NALF1: variants seen among roughly 807,000 people sequenced by gnomAD.
The protein encoded by NALF1 is family with sequence similarity 155 member A.
Under a neutral mutation model 48.4 loss-of-function variants are expected in NALF1, and 3 were observed. The ratio of observed to expected loss-of-function variants is 0.06; its 90% confidence interval spans 0.03 to 0.16. The LOEUF is 0.16. Among genes scored for constraint, NALF1 ranks in the 10% least tolerant of loss-of-function variants. The pLI, the probability that NALF1 is intolerant of heterozygous loss-of-function variation, is 1.00. For synonymous variants in NALF1, 262 were observed against 245.7 expected (o/e 1.07, Z -0.62); for missense variants, 526 against 571.5 (o/e 0.92, Z 0.81).
intron 1 of NALF1, among the ~76,000 whole-genome samples, chr13:107,355,507 A>C (rs1374731384): frequency 6.6e-6 from 1 of 152,156 alleles, no homozygotes; most frequent in Non-Finnish European, 1.5e-5. Context: ...ATCTCATTAC[A>C]ATAGAATTGT....
chr13:107,682,543 G>C (rs1202499072), intron 1 of NALF1, among the ~76,000 whole-genome samples: 2 of 151,982 alleles, frequency 1.3e-5, no homozygotes, highest in African/African-American at 2.4e-5. Context: ...CGAGGCCCCC[G>C]GGACCTCCCA....
At chr13:107,453,208 C>G (rs560313460) in intron 1 of NALF1, among the ~76,000 whole-genome samples, 178 of 152,318 alleles carry the variant, frequency 1.2e-3, no homozygotes, top group African/African-American at 4.1e-3. Flanking sequence ...TAGAGACCCT[C>G]TGTGGGAACT....
At chr13:107,294,724 A>T (rs1490176481) in intron 1 of NALF1, among the ~76,000 whole-genome samples, 1 of 152,190 alleles carries the variant, frequency 6.6e-6, no homozygotes, top group East Asian at 1.9e-4. Flanking sequence ...TGAGAATGCA[A>T]ACCTCAGACT....
chr13:107,818,928 G>A (rs1879271277), intron 1 of NALF1, among the ~76,000 whole-genome samples: 1 of 150,496 alleles, frequency 6.6e-6, no homozygotes, highest in Admixed American at 6.6e-5. Context: ...CTTCCAGTGT[G>A]AGGGTGAAAA....
chr13:107,399,136 A>G (rs183899044), intron 1 of NALF1, among the ~76,000 whole-genome samples: 3,135 of 152,242 alleles, frequency 0.021, 112 homozygotes, highest in African/African-American at 0.07. Context: ...GGGAGATGGC[A>G]GACATGAGAG....
chr13:107,749,536 C>T (rs574976587), intron 1 of NALF1, among the ~76,000 whole-genome samples: 1 of 152,010 alleles, frequency 6.6e-6, no homozygotes, highest in Admixed American at 6.6e-5. Flanking sequence ...ATCATTCTAG[C>T]ATATAACCAA....
chr13:107,866,427 C>G lies in NALF1; in HGVS notation c.170G>C (p.Trp57Ser). The part of the protein sequence containing the change: ...FFTVLLSDHL[W>S]FCAEAKLTRA... ...GGTCAGCTTGGCCTCGGCGCAGAACCACAAGTGATCAGAGAGCAGGACTGT... is the reference window on the plus strand; with the variant it reads ...GGTCAGCTTGGCCTCGGCGCAGAACGACAAGTGATCAGAGAGCAGGACTGT... Residue 57 changes from tryptophan (W) to serine (S), a missense_variant, in exon 1 of 3, where the codon TGG becomes TCG. By Grantham distance (177) the Trp-to-Ser change is radical (BLOSUM62 -3). This residue lies in a region of NALF1 where 373 missense variants were observed against 355.5 expected (regional missense o/e 1.05). Coordinates refer to ENST00000375915, the MANE Select transcript of NALF1 (RefSeq NM_001080396.3). This position sits in a 1 kb window ranked among gnomAD's most constrained non-coding sequence, Gnocchi z 4.4. 1 of 1,614,126 alleles carries G rather than the reference C, an allele frequency of 6.2e-7. No homozygotes were observed. The highest frequency in any genetic ancestry group is 2.2e-5 in the East Asian group (1 of 44,856).
intron 1 of NALF1, among the ~76,000 whole-genome samples, chr13:107,721,530 G>A (rs1012078223): frequency 1.3e-5 from 2 of 152,088 alleles, no homozygotes; most frequent in African/African-American, 4.8e-5. Flanking sequence ...CTCTCTCCAC[G>A]GTGTAGTGCA....
At chr13:107,570,583 T>TTTATTA (rs1490667841) in intron 1 of NALF1, among the ~76,000 whole-genome samples, 1 of 149,910 alleles carries the variant, frequency 6.7e-6, no homozygotes, top group Non-Finnish European at 1.5e-5. Context: ...TTTATTTTAT[T>TTTATTA]TTATTATTAT....
chr13:107,298,145 C>A (rs951158613), intron 1 of NALF1, among the ~76,000 whole-genome samples: 1 of 151,618 alleles, frequency 6.6e-6, no homozygotes, highest in African/African-American at 2.4e-5. Context: ...GTCAGGAGAT[C>A]GAGACCATCC....
At chr13:107,499,896 G>A (rs1433270929) in intron 1 of NALF1, among the ~76,000 whole-genome samples, 1 of 151,942 alleles carries the variant, frequency 6.6e-6, no homozygotes, top group Non-Finnish European at 1.5e-5. Context: ...ATAATATGCT[G>A]ATAGACAACT....
intron 1 of NALF1, among the ~76,000 whole-genome samples, chr13:107,744,189 C>CAGTG (rs1418136953): frequency 4.6e-5 from 7 of 152,128 alleles, no homozygotes; most frequent in Non-Finnish European, 7.4e-5. Context: ...GGGCTTAATC[C>CAGTG]AGTGTGAGAT....
At chr13:107,841,180 C>T (rs1421225265) in intron 1 of NALF1, among the ~76,000 whole-genome samples, 1 of 152,136 alleles carries the variant, frequency 6.6e-6, no homozygotes, top group East Asian at 1.9e-4. Context: ...TGCAATTACA[C>T]TTATGCATAT....
intron 1 of NALF1, among the ~76,000 whole-genome samples, chr13:107,639,375 A>G (rs1427058221): frequency 2.0e-5 from 3 of 152,138 alleles, no homozygotes; most frequent in African/African-American, 7.2e-5. Context: ...CCAGCCAAAA[A>G]AAACACGATA....
At chr13:107,771,113 T>G (rs186193764) in intron 1 of NALF1, among the ~76,000 whole-genome samples, 1 of 152,204 alleles carries the variant, frequency 6.6e-6, no homozygotes, top group Non-Finnish European at 1.5e-5. Flanking sequence ...CAGATTAAAT[T>G]TGCATTATGT....
intron 1 of NALF1, among the ~76,000 whole-genome samples, chr13:107,581,895 A>T (rs1374733996): frequency 6.6e-6 from 1 of 152,162 alleles, no homozygotes; most frequent in East Asian, 1.9e-4. Context: ...ATCCATAATA[A>T]TAATTGTTCT....
At chr13:107,537,294 A>G (rs553435967) in intron 1 of NALF1, among the ~76,000 whole-genome samples, 9 of 152,206 alleles carry the variant, frequency 5.9e-5, no homozygotes, top group Admixed American at 1.3e-4. Flanking sequence ...TTGGAAACTA[A>G]CTTAAACATG....
At chr13:107,306,751 C>G (rs1881944189) in intron 1 of NALF1, among the ~76,000 whole-genome samples, 1 of 152,094 alleles carries the variant, frequency 6.6e-6, no homozygotes, top group Non-Finnish European at 1.5e-5. Context: ...ATCGCTTGAG[C>G]CCAGAAGTTT....
At chr13:107,576,891 G>A (rs1305239776) in intron 1 of NALF1, among the ~76,000 whole-genome samples, 2 of 152,164 alleles carry the variant, frequency 1.3e-5, no homozygotes, top group Admixed American at 6.5e-5. Context: ...TCTTCTGCGA[G>A]CAAGCCTTCT....
Sources: gnomAD v4.1 joint callset for allele counts (sites outside exome capture counted in the v4.1 genomes callset) on GRCh38, gnomAD v4.1.1 for gene constraint, gnomAD v4.1.1 regional missense constraint, Gnocchi (gnomAD v3.1) non-coding constraint, MANE v1.5 for transcripts, NCBI Gene and HGNC (gene_info 2026-07-23, HGNC 2026-07-21) for gene names.